Variants in ACOXL observed in about 807,000 individuals in gnomAD.
ACOXL encodes the protein acyl-coenzyme A oxidase-like protein.
ACOXL carries 70 observed loss-of-function variants against 71.9 expected under a neutral mutation model. That is an observed-to-expected ratio of 0.97 (90% CI 0.80 to 1.19). The LOEUF is 1.19. Among genes scored for constraint, ACOXL ranks in the 50% most tolerant of loss-of-function variants. The pLI is 0.00. For synonymous variants in ACOXL, 253 were observed against 281.6 expected (o/e 0.90, Z 1.02); for missense variants, 703 against 736.3 (o/e 0.95, Z 0.52).
chr2:110,936,367 G>A (rs1187700486), intron 12 of ACOXL, among the ~76,000 whole-genome samples: 3 of 152,120 alleles, frequency 2.0e-5, no homozygotes, highest in Non-Finnish European at 4.4e-5. Context: ...CTGGGCTCAA[G>A]CAATCCTCCT....
chr2:110,998,813 A>G (rs2063502157), intron 14 of ACOXL, among the ~76,000 whole-genome samples: 1 of 152,240 alleles, frequency 6.6e-6, no homozygotes, highest in African/African-American at 2.4e-5. Context: ...ATGGGCTATA[A>G]TATGAAATGA....
At chr2:110,805,206 G>T in intron 8 of ACOXL, 57 bp from the exon 9 acceptor site, 2 of 1,601,648 alleles carry the variant, frequency 1.2e-6, no homozygotes, top group South Asian at 2.2e-5. Context: ...ACCTGACTTC[G>T]TTTCTGGTGG....
chr2:111,096,606 C>T (rs928237281), intron 17 of ACOXL, among the ~76,000 whole-genome samples: 5 of 152,036 alleles, frequency 3.3e-5, no homozygotes, highest in African/African-American at 1.2e-4. Context: ...ATTTTTTATA[C>T]GTTGAAACTT....
chr2:110,854,397 A>G (rs1692993506), intron 10 of ACOXL, among the ~76,000 whole-genome samples: 1 of 152,108 alleles, frequency 6.6e-6, no homozygotes, highest in Admixed American at 6.5e-5. Flanking sequence ...TGGGGATTCA[A>G]ACTCAGGCCT....
intron 12 of ACOXL, among the ~76,000 whole-genome samples, chr2:110,943,143 GAAGA>G (rs2060945497): frequency 8.9e-6 from 1 of 112,442 alleles, no homozygotes; most frequent in African/African-American, 3.2e-5. Context: ...AGGAAAGAAG[GAAGA>G]AAGAGAAAGA....
chr2:110,937,937 A>G (rs1374892973), intron 12 of ACOXL, among the ~76,000 whole-genome samples: 1 of 152,210 alleles, frequency 6.6e-6, no homozygotes, highest in Non-Finnish European at 1.5e-5. Flanking sequence ...ACATAGACTC[A>G]GGAAGTAGGA....
intron 14 of ACOXL, among the ~76,000 whole-genome samples, chr2:111,028,370 C>T (rs1431522197): frequency 6.6e-6 from 1 of 151,800 alleles, no homozygotes; most frequent in Admixed American, 6.6e-5. Flanking sequence ...TATACCCAGG[C>T]TCAAGCAATC....
At chr2:110,826,005 A>T (rs1354901209) in intron 9 of ACOXL, among the ~76,000 whole-genome samples, 1 of 152,192 alleles carries the variant, frequency 6.6e-6, no homozygotes, top group Non-Finnish European at 1.5e-5. Context: ...AGCTGAGAGG[A>T]GCTAGGCAAG....
intron 14 of ACOXL, among the ~76,000 whole-genome samples, chr2:111,030,819 G>A (rs571994162): frequency 1.9e-4 from 29 of 152,192 alleles, no homozygotes; most frequent in African/African-American, 6.5e-4. Context: ...AAAGTTTTAC[G>A]GGCCACATTT....
At chr2:110,996,708 A>G (rs1451892973) in intron 14 of ACOXL, among the ~76,000 whole-genome samples, 6 of 152,184 alleles carry the variant, frequency 3.9e-5, no homozygotes, top group Admixed American at 3.9e-4. Flanking sequence ...CCAGAATTGG[A>G]TTCCTGCAAT....
intron 13 of ACOXL, among the ~76,000 whole-genome samples, chr2:110,989,296 G>A (rs751520329): frequency 3.3e-5 from 5 of 152,010 alleles, no homozygotes; most frequent in East Asian, 3.9e-4. Flanking sequence ...TTAAATCTCC[G>A]TCTATTTGAG....
In ACOXL at chr2:111,007,701, A is replaced by G. The variant is rs1574466639; in HGVS notation, c.1281+11697A>G. On this transcript the variant is annotated intron_variant, in intron 14 of 17. Transcript: ENST00000439055. ...CTTTTTCCTAGAGAATGGTATTTAAAAACCAGCATCTGGTCTCTGGGTGTG... is the reference window on the plus strand; with the variant it reads ...CTTTTTCCTAGAGAATGGTATTTAAGAACCAGCATCTGGTCTCTGGGTGTG... Among the ~76,000 whole-genome samples, 2 of 152,288 alleles carry G rather than the reference A, an allele frequency of 1.3e-5. 1 individual carries two copies. The highest frequency in any genetic ancestry group is 4.2e-4 in the South Asian group (2 of 4,812).
chr2:110,903,060 T>A (rs1054472977), intron 10 of ACOXL, among the ~76,000 whole-genome samples: 1 of 152,222 alleles, frequency 6.6e-6, no homozygotes, highest in Non-Finnish European at 1.5e-5. Flanking sequence ...TGCAAACAAG[T>A]TTGCACCCTA....
chr2:111,033,795 G>C (rs1574548697), intron 15 of ACOXL, among the ~76,000 whole-genome samples: 1 of 133,806 alleles, frequency 7.5e-6, no homozygotes, highest in Non-Finnish European at 1.7e-5. Flanking sequence ...TTCACTCTCA[G>C]GGGTGGTGTG....
chr2:110,897,925 C>T (rs1015267797), intron 10 of ACOXL, among the ~76,000 whole-genome samples: 5 of 152,022 alleles, frequency 3.3e-5, no homozygotes, highest in Non-Finnish European at 7.4e-5. Flanking sequence ...ATTGTAGACA[C>T]TGAGAACATC....
At chr2:110,741,300 A>C (rs980289409) in intron 1 of ACOXL, among the ~76,000 whole-genome samples, 5 of 152,184 alleles carry the variant, frequency 3.3e-5, no homozygotes, top group African/African-American at 1.2e-4. Flanking sequence ...TCAAGGTGTC[A>C]GTGGGTGTCG....
chr2:110,766,242 A>G (rs1430344292), intron 1 of ACOXL, among the ~76,000 whole-genome samples: 2 of 152,212 alleles, frequency 1.3e-5, no homozygotes, highest in Admixed American at 6.5e-5. Context: ...AGTTCTTGGT[A>G]TCATGAGCAA....
At chr2:110,912,930 C>T (rs1391343289) in intron 11 of ACOXL, among the ~76,000 whole-genome samples, 4 of 151,892 alleles carry the variant, frequency 2.6e-5, no homozygotes, top group Non-Finnish European at 5.9e-5. Flanking sequence ...ACAAATAATC[C>T]AATTGAAAAA....
chr2:110,874,669 C>A (rs1695676050), intron 10 of ACOXL, among the ~76,000 whole-genome samples: 2 of 152,172 alleles, frequency 1.3e-5, no homozygotes, highest in South Asian at 4.1e-4. Flanking sequence ...CATGACAGTG[C>A]CCACCTCCTC....
Sources: allele counts gnomAD v4.1 joint callset (sites outside exome capture counted in the v4.1 genomes callset), GRCh38; gene constraint gnomAD v4.1.1; transcripts MANE v1.5; gene names NCBI Gene and HGNC (gene_info 2026-07-23, HGNC 2026-07-21).